Variants in SPATA16 observed in about 807,000 individuals in gnomAD.
The protein encoded by SPATA16 is spermatogenesis associated 16, also known as spermatogenesis-associated protein 16.
Under a neutral mutation model 63.3 loss-of-function variants are expected in SPATA16, and 36 were observed. That is an observed-to-expected ratio of 0.57 (90% confidence interval 0.44 to 0.75). The LOEUF (loss-of-function observed/expected upper bound fraction) is 0.75. SPATA16 is among the 30% of genes least tolerant of loss of function. The probability of loss-of-function intolerance (pLI) is 0.00; values close to 1 mark genes in which losing one functional copy is unlikely to be tolerated. For missense variants in SPATA16, 646 were observed against 679.3 expected (o/e 0.95, Z 0.54); for synonymous variants, 203 against 216.7 (o/e 0.94, Z 0.56).
At chr3:172,937,996 A>G (rs947949583) in intron 6 of SPATA16, among the ~76,000 whole-genome samples, 2 of 152,124 alleles carry the variant, frequency 1.3e-5, no homozygotes, top group African/African-American at 4.8e-5. Flanking sequence ...CCTATAAATG[A>G]CAAGTGGGAA....
chr3:172,984,562 C>A (rs547322131), intron 4 of SPATA16, among the ~76,000 whole-genome samples: 50 of 152,100 alleles, frequency 3.3e-4, no homozygotes, highest in Non-Finnish European at 5.0e-4. Flanking sequence ...TTGTAACAAG[C>A]CTTCTTCTAT....
At chr3:173,015,861 GGTGTGT>G (rs57049586) in intron 4 of SPATA16, among the ~76,000 whole-genome samples, 11,901 of 148,778 alleles carry the variant, frequency 0.08, 1,569 homozygotes, top group African/African-American at 0.27. Context: ...TCCCAAATGG[GGTGTGT>G]GTGTGTGTGT....
intron 2 of SPATA16, among the ~76,000 whole-genome samples, chr3:173,103,278 T>C (rs1737537870): frequency 6.6e-6 from 1 of 152,142 alleles, no homozygotes; most frequent in Non-Finnish European, 1.5e-5. Flanking sequence ...TTTCCATAGC[T>C]CCACTAGGCA....
At chr3:173,036,602 A>G (rs1735720121) in intron 3 of SPATA16, among the ~76,000 whole-genome samples, 1 of 152,028 alleles carries the variant, frequency 6.6e-6, no homozygotes, top group Admixed American at 6.6e-5. Context: ...ATTGCAATTA[A>G]TCATTAAGAA....
chr3:173,139,656 T>C (rs1738645410), intron 1 of SPATA16, among the ~76,000 whole-genome samples: 1 of 152,204 alleles, frequency 6.6e-6, no homozygotes, highest in Non-Finnish European at 1.5e-5. Flanking sequence ...TGAAATTCTA[T>C]GTAGAGGAAT....
At chr3:172,943,136 C>T (rs887008244) in intron 6 of SPATA16, among the ~76,000 whole-genome samples, 1 of 151,574 alleles carries the variant, frequency 6.6e-6, no homozygotes, top group East Asian at 1.9e-4. Flanking sequence ...TATAAGTTTC[C>T]AAAACAGGAC....
intron 2 of SPATA16, among the ~76,000 whole-genome samples, chr3:173,078,051 T>C (rs776737176): frequency 2.6e-5 from 4 of 152,190 alleles, no homozygotes; most frequent in Admixed American, 6.6e-5. Flanking sequence ...ATAGCAATTA[T>C]TTATTATTTA....
At chr3:173,014,486 A>G (rs778702750) in intron 4 of SPATA16, among the ~76,000 whole-genome samples, 32 of 152,222 alleles carry the variant, frequency 2.1e-4, no homozygotes, top group Non-Finnish European at 4.0e-4. Context: ...ACTGGGTACT[A>G]TGCTCACTAC....
chr3:172,935,156 A>C (rs532927984), intron 6 of SPATA16, among the ~76,000 whole-genome samples: 40 of 152,198 alleles, frequency 2.6e-4, no homozygotes, highest in African/African-American at 9.2e-4. Context: ...AAATATATAA[A>C]ACTCAATACA....
chr3:172,994,190 C>T (rs189075202), intron 4 of SPATA16, among the ~76,000 whole-genome samples: 2 of 152,262 alleles, frequency 1.3e-5, no homozygotes, highest in Non-Finnish European at 2.9e-5. Flanking sequence ...GAGTATGTGA[C>T]TCCTGGTAGG....
Position 173,091,307 on chromosome 3 carries a change from A to G in SPATA16, c.612+25813T>C, listed in dbSNP as rs1194611136. Among the ~76,000 whole-genome samples, 5 of 151,564 alleles carry G rather than the reference A, an allele frequency of 3.3e-5. No individual in the cohort carries two copies. In the East Asian group the frequency reaches 9.7e-4, roughly 29 times the overall value. On this transcript the variant is annotated intron_variant, in intron 2 of 10. Transcript: ENST00000351008. ...AAATTCATAAATGTTTATACTTTTA[A>G]TGTCAAATATAATCATTAATTTATT...
intron 2 of SPATA16, among the ~76,000 whole-genome samples, chr3:173,111,859 T>C (rs1010967276): frequency 2.6e-5 from 4 of 152,122 alleles, no homozygotes; most frequent in African/African-American, 9.7e-5. Flanking sequence ...TCTAGAAGAG[T>C]GATTCCCAAA....
chr3:173,042,870 G>T (rs568380500), intron 3 of SPATA16, among the ~76,000 whole-genome samples: 3 of 151,982 alleles, frequency 2.0e-5, no homozygotes, highest in Admixed American at 6.6e-5. Context: ...ATTACATTAT[G>T]GTTAGAGAAC....
At chr3:173,075,325 T>C (rs1238553307) in intron 2 of SPATA16, among the ~76,000 whole-genome samples, 1 of 152,196 alleles carries the variant, frequency 6.6e-6, no homozygotes, top group East Asian at 1.9e-4. Flanking sequence ...TGTACACAGT[T>C]GGTGAGAATG....
chr3:172,925,677 ACTTTT>A (rs1217466305), intron 6 of SPATA16, among the ~76,000 whole-genome samples, 185 bp from the exon 7 acceptor site: 2 of 152,188 alleles, frequency 1.3e-5, no homozygotes, highest in Non-Finnish European at 2.9e-5. Flanking sequence ...ATTTCATTAC[ACTTTT>A]CTTAGTAATC....
chr3:172,925,617 A>G, intron 6 of SPATA16, 125 bp from the exon 7 acceptor site: 1 of 1,172,504 alleles, frequency 8.5e-7, no homozygotes, highest in East Asian at 2.5e-5. Context: ...AAAGGTATGA[A>G]GTAATATTAT....
intron 2 of SPATA16, among the ~76,000 whole-genome samples, chr3:173,110,417 A>G (rs1362244511): frequency 6.6e-6 from 1 of 152,230 alleles, no homozygotes; most frequent in African/African-American, 2.4e-5. Context: ...TATAATTAAA[A>G]GAAGACTAGA....
intron 2 of SPATA16, among the ~76,000 whole-genome samples, chr3:173,066,655 T>C (rs956615258): frequency 2.6e-5 from 4 of 152,182 alleles, no homozygotes; most frequent in Admixed American, 2.0e-4. Flanking sequence ...GTCACAATGC[T>C]TAATCCCTTT....
intron 4 of SPATA16, among the ~76,000 whole-genome samples, chr3:173,006,536 A>G (rs1384672129): frequency 6.6e-6 from 1 of 152,238 alleles, no homozygotes; most frequent in Non-Finnish European, 1.5e-5. Flanking sequence ...TTAAACTCTC[A>G]ACACTACCAT....
Sources: gnomAD v4.1 joint callset for allele counts (sites outside exome capture counted in the v4.1 genomes callset) on GRCh38, gnomAD v4.1.1 for gene constraint, MANE v1.5 for transcripts, NCBI Gene and HGNC (gene_info 2026-07-23, HGNC 2026-07-21) for gene names.